The following NSMCE2 variants were observed in gnomAD, a reference collection of about 807,000 sequenced individuals.
NSMCE2 encodes E3 SUMO-protein ligase NSE2.
NSMCE2 carries 24 observed loss-of-function variants against 23.8 expected under a neutral mutation model. The observed-to-expected ratio is 1.01, with a 90% CI of 0.73 to 1.42. NSMCE2 has a LOEUF of 1.42. NSMCE2 is among the 40% of genes most tolerant of loss of function. The pLI is 0.00. For missense variants in NSMCE2, 284 were observed against 296.5 expected (o/e 0.96, Z 0.31); for synonymous variants, 92 against 94.1 (o/e 0.98, Z 0.13).
intron 5 of NSMCE2, among the ~76,000 whole-genome samples, chr8:125,343,151 G>T (rs967665749): frequency 6.6e-6 from 1 of 152,052 alleles, no homozygotes; most frequent in South Asian, 2.1e-4. Context: ...AATCCTATGG[G>T]GCGACATATT....
At chr8:125,330,398 ACTC>A (rs1309821038) in intron 5 of NSMCE2, among the ~76,000 whole-genome samples, 8 of 150,846 alleles carry the variant, frequency 5.3e-5, no homozygotes, top group Non-Finnish European at 1.2e-4. Context: ...CTGGTCTCGA[ACTC>A]CTGACCTCAA....
chr8:125,212,658 G>T (rs1043554090), intron 5 of NSMCE2, among the ~76,000 whole-genome samples: 3 of 152,098 alleles, frequency 2.0e-5, no homozygotes, highest in African/African-American at 7.2e-5. Context: ...CAGATGAAGA[G>T]ACATGGTGGG....
chr8:125,093,077 A>G (rs1039561170), intron 1 of NSMCE2, among the ~76,000 whole-genome samples: 2 of 152,216 alleles, frequency 1.3e-5, no homozygotes, highest in African/African-American at 2.4e-5. Flanking sequence ...ATCTTAGTCA[A>G]TGTGGGCTTC....
At chr8:125,183,190 G>T (rs939832581) in intron 5 of NSMCE2, among the ~76,000 whole-genome samples, 1 of 152,086 alleles carries the variant, frequency 6.6e-6, no homozygotes, top group African/African-American at 2.4e-5. Context: ...TTAATGTAGG[G>T]ATTCGTATTT....
chr8:125,136,720 A>G (rs991283849), intron 3 of NSMCE2, among the ~76,000 whole-genome samples: 2 of 152,142 alleles, frequency 1.3e-5, no homozygotes, highest in Admixed American at 6.6e-5. Context: ...TTCACTCAAC[A>G]AAGAGTTTTT....
intron 3 of NSMCE2, among the ~76,000 whole-genome samples, chr8:125,148,022 GT>G (rs1820787906): frequency 6.6e-6 from 1 of 152,152 alleles, no homozygotes; most frequent in Non-Finnish European, 1.5e-5. Flanking sequence ...TCTGACTACA[GT>G]TATCTGACGG....
intron 3 of NSMCE2, among the ~76,000 whole-genome samples, chr8:125,104,007 T>C (rs1054873829): frequency 7.4e-5 from 11 of 149,066 alleles, no homozygotes; most frequent in Middle Eastern, 3.5e-3. Context: ...TTTTTTTTTT[T>C]CAGCCGGAAT....
intron 5 of NSMCE2, among the ~76,000 whole-genome samples, chr8:125,242,674 T>C (rs2130984981): frequency 6.6e-6 from 1 of 152,282 alleles, no homozygotes; most frequent in South Asian, 2.1e-4. Context: ...GAGACCTGGG[T>C]GAACTACAGA....
At chr8:125,214,259 C>T (rs1184922974) in intron 5 of NSMCE2, among the ~76,000 whole-genome samples, 1 of 152,104 alleles carries the variant, frequency 6.6e-6, no homozygotes, top group Non-Finnish European at 1.5e-5. Flanking sequence ...CGTTGGAAGG[C>T]AGAATATACA....
intron 5 of NSMCE2, among the ~76,000 whole-genome samples, chr8:125,225,314 T>G (rs552122174): frequency 2.0e-5 from 3 of 152,332 alleles, no homozygotes; most frequent in Admixed American, 6.5e-5. Flanking sequence ...TCTCCTTTCA[T>G]CTTGTGGCTC....
At position 125,198,628 on chromosome 8, in the gene NSMCE2, G is replaced by A. The variant is rs946407041; in HGVS notation, c.418+16372G>A. On this transcript the variant is annotated intron_variant, in intron 5 of 7. Transcript: ENST00000287437. ...AGGATTTTCACATCGATGTTCATCAGAGATATTGGTCTAAAATTCTCTTTT... is the reference window on the plus strand; with the variant it reads ...AGGATTTTCACATCGATGTTCATCAAAGATATTGGTCTAAAATTCTCTTTT... 3.3e-5 allele frequency among the ~76,000 whole-genome samples: 5 copies of A among 152,204 alleles called. No homozygotes were observed. The South Asian group carries it at 8.3e-4, about 25-fold the overall frequency.
intron 1 of NSMCE2, among the ~76,000 whole-genome samples, chr8:125,092,977 A>G (rs970137979): frequency 6.6e-6 from 1 of 152,186 alleles, no homozygotes; most frequent in African/African-American, 2.4e-5. Flanking sequence ...GCCAACCACA[A>G]AGTCTACAGA....
intron 5 of NSMCE2, among the ~76,000 whole-genome samples, chr8:125,340,024 T>TG (rs71295848): frequency 1.4e-5 from 2 of 144,270 alleles, no homozygotes; most frequent in African/African-American, 5.1e-5. Context: ...TTTTTTTTTT[T>TG]TTTTTTTTGA....
chr8:125,272,699 GATATATATATATATATAAT>G (rs1242700898), intron 5 of NSMCE2, among the ~76,000 whole-genome samples: 1 of 125,462 alleles, frequency 8.0e-6, no homozygotes, highest in Non-Finnish European at 1.6e-5. Context: ...AGCTACTTGG[GATATATATATATATATAAT>G]ATATATATAT....
chr8:125,208,708 A>G (rs1824210299), intron 5 of NSMCE2, among the ~76,000 whole-genome samples: 1 of 152,242 alleles, frequency 6.6e-6, no homozygotes, highest in Admixed American at 6.5e-5. Context: ...CCAGAGGGTG[A>G]TGGCTTCATA....
At chr8:125,105,695 A>G (rs1563652547) in intron 3 of NSMCE2, among the ~76,000 whole-genome samples, 1 of 152,178 alleles carries the variant, frequency 6.6e-6, no homozygotes, top group East Asian at 1.9e-4. Context: ...CCCACCATAG[A>G]TGGTACGTAA....
At chr8:125,275,334 T>G (rs1452143770) in intron 5 of NSMCE2, among the ~76,000 whole-genome samples, 1 of 152,226 alleles carries the variant, frequency 6.6e-6, no homozygotes, top group Non-Finnish European at 1.5e-5. Context: ...TACCTAATTC[T>G]TAGCCACACA....
intron 4 of NSMCE2, among the ~76,000 whole-genome samples, chr8:125,154,281 C>T (rs1175250489): frequency 9.9e-5 from 15 of 152,154 alleles, no homozygotes; most frequent in Admixed American, 9.8e-4. Flanking sequence ...CTTCCACTCT[C>T]ATCTTCTCAG....
At chr8:125,105,463 G>A (rs1438175067) in intron 3 of NSMCE2, among the ~76,000 whole-genome samples, 2 of 149,382 alleles carry the variant, frequency 1.3e-5, no homozygotes, top group Non-Finnish European at 3.0e-5. Context: ...TAGCTACAGA[G>A]TTTTTTTTTT....
Sources: gnomAD v4.1 joint callset for allele counts (sites outside exome capture counted in the v4.1 genomes callset) on GRCh38, gnomAD v4.1.1 for gene constraint, MANE v1.5 for transcripts, NCBI Gene and HGNC (gene_info 2026-07-23, HGNC 2026-07-21) for gene names.